COL24A1: variants seen among roughly 807,000 people sequenced by gnomAD.
The protein encoded by COL24A1 is collagen type XXIV alpha 1 chain, also known as collagen alpha-1(XXIV) chain.
A neutral mutation model predicts 253.9 loss-of-function variants in COL24A1; 224 were observed. The ratio of observed to expected loss-of-function variants is 0.88; its 90% CI spans 0.79 to 0.99. The LOEUF (loss-of-function observed/expected upper bound fraction) is 0.99, where lower values mean the gene tolerates loss of function less well. Ranked by LOEUF, COL24A1 falls within the 50% of genes least tolerant of loss-of-function variation. COL24A1 has a pLI of 0.00. For missense variants in COL24A1, 2,131 were observed against 2,068.5 expected (o/e 1.03, Z -0.59); for synonymous variants, 685 against 673.7 (o/e 1.02, Z -0.26).
At chr1:85,827,548 T>C (rs1329693109) in intron 43 of COL24A1, among the ~76,000 whole-genome samples, 1 of 152,004 alleles carries the variant, frequency 6.6e-6, no homozygotes, top group Non-Finnish European at 1.5e-5. Flanking sequence ...TGTGAATCCA[T>C]CTGGTCCTGG....
chr1:85,766,914 C>T (rs1214126388), intron 53 of COL24A1, among the ~76,000 whole-genome samples: 1 of 152,010 alleles, frequency 6.6e-6, no homozygotes, highest in Non-Finnish European at 1.5e-5. Flanking sequence ...ACCATCCTGG[C>T]TAACACAGTG....
intron 43 of COL24A1, 121 bp downstream of exon 43, chr1:85,838,464 T>C (rs1433830968): frequency 2.5e-6 from 2 of 808,306 alleles, no homozygotes; most frequent in African/African-American, 1.7e-5. Context: ...GAAAGACGTC[T>C]CTTCTAGGAT....
intron 7 of COL24A1, among the ~76,000 whole-genome samples, chr1:86,081,239 G>A (rs1452341224): frequency 2.0e-5 from 3 of 151,970 alleles, no homozygotes; most frequent in Non-Finnish European, 4.4e-5. Flanking sequence ...TCTAAGTATG[G>A]ATCAATTCCC....
chr1:85,784,202 C>T, intron 49 of COL24A1, 36 bp from the exon 50 acceptor site: 1 of 1,611,556 alleles, frequency 6.2e-7, no homozygotes, highest in South Asian at 1.1e-5. Context: ...AATTATTGTA[C>T]AATGGCAGCC....
intron 24 of COL24A1, among the ~76,000 whole-genome samples, chr1:85,937,198 G>A (rs138538910): frequency 6.8e-6 from 1 of 147,838 alleles, no homozygotes; most frequent in East Asian, 2.1e-4. Flanking sequence ...GATGGCAGCT[G>A]AGCTACAGCT....
intron 39 of COL24A1, among the ~76,000 whole-genome samples, chr1:85,842,666 C>G (rs1429890114): frequency 1.3e-5 from 2 of 151,934 alleles, no homozygotes; most frequent in Non-Finnish European, 2.9e-5. Flanking sequence ...TGTCAGAATC[C>G]TGCTGCTCCC....
chr1:85,739,760 T>A (rs972171320), intron 57 of COL24A1, among the ~76,000 whole-genome samples: 2 of 152,146 alleles, frequency 1.3e-5, no homozygotes, highest in African/African-American at 4.8e-5. Flanking sequence ...CCTTGAATTG[T>A]ATCCTCCCCA....
chr1:85,743,698 A>T (rs2014733), intron 57 of COL24A1, among the ~76,000 whole-genome samples: 137,777 of 152,170 alleles, frequency 0.91, 63,015 homozygotes, highest in Non-Finnish European at 0.97. Context: ...ATTACACTTT[A>T]ATGCCCTCAA....
At chr1:85,838,844 TAA>T (rs1306732370) in intron 42 of COL24A1, among the ~76,000 whole-genome samples, 2 of 152,320 alleles carry the variant, frequency 1.3e-5, no homozygotes, top group African/African-American at 4.8e-5. Context: ...GTGAATTATA[TAA>T]AGAGAATCTC....
chr1:85,976,944 C>T (rs917666217), intron 20 of COL24A1, among the ~76,000 whole-genome samples: 16 of 152,212 alleles, frequency 1.1e-4, no homozygotes, highest in African/African-American at 3.9e-4. Context: ...AACGTATCTA[C>T]AACCAAGGAC....
At chr1:86,141,919 G>T (rs1036390410) in intron 2 of COL24A1, among the ~76,000 whole-genome samples, 1 of 151,772 alleles carries the variant, frequency 6.6e-6, no homozygotes, top group African/African-American at 2.4e-5. Context: ...GGCCAGGCTC[G>T]AACTCCTGAC....
At chr1:85,897,602 T>C (rs988026870) in intron 28 of COL24A1, among the ~76,000 whole-genome samples, 2 of 152,164 alleles carry the variant, frequency 1.3e-5, no homozygotes, top group African/African-American at 4.8e-5. Flanking sequence ...TTCTCAGTGT[T>C]CATTCAATAA....
chr1:86,030,556 A>C (rs1448856595), intron 14 of COL24A1: 1 of 152,232 alleles, frequency 6.6e-6, no homozygotes, highest in Non-Finnish European at 1.5e-5. Flanking sequence ...ACACTCTAGT[A>C]TCTTTGGTCA....
intron 28 of COL24A1, among the ~76,000 whole-genome samples, chr1:85,903,895 G>T (rs1684557957): frequency 6.6e-6 from 1 of 151,984 alleles, no homozygotes; most frequent in Admixed American, 6.6e-5. Flanking sequence ...TGATTTTAAG[G>T]AAAAAAATAT....
intron 1 of COL24A1, among the ~76,000 whole-genome samples, chr1:86,150,087 A>G (rs1652539750): frequency 6.6e-6 from 1 of 152,096 alleles, no homozygotes; most frequent in South Asian, 2.1e-4. Context: ...GTTATTCTCC[A>G]TCCACTGGAA....
At chr1:86,074,452 T>A (rs1447938907) in intron 7 of COL24A1, among the ~76,000 whole-genome samples, 1 of 151,674 alleles carries the variant, frequency 6.6e-6, no homozygotes, top group Non-Finnish European at 1.5e-5. Context: ...CCCGGATTCA[T>A]AAAGCAAGTT....
chr1:86,043,185 T>C (rs1699634479), intron 12 of COL24A1, among the ~76,000 whole-genome samples: 1 of 152,190 alleles, frequency 6.6e-6, no homozygotes, highest in Non-Finnish European at 1.5e-5. Context: ...ACTATTGTTC[T>C]ATAAATTATA....
At chr1:85,894,629 C>T (rs1463314653) in intron 31 of COL24A1, among the ~76,000 whole-genome samples, 4 of 151,826 alleles carry the variant, frequency 2.6e-5, no homozygotes, top group African/African-American at 9.7e-5. Flanking sequence ...TAAAGTATAT[C>T]AAAGTAGTCA....
At position 86,078,985 on chromosome 1, in the gene COL24A1, C is replaced by T. The variant is rs536641713; in HGVS notation, c.1707+10189G>A. Among the ~76,000 whole-genome samples the T allele has an allele frequency of 3.9e-5, 6 of 152,184 alleles. No homozygotes were observed. The East Asian group carries it at 1.2e-3, about 29-fold the overall frequency. ...AAATTTATGTGGAACCACAAAAACC[C>T]AGAATAGCCAAAGCTATCCTAAGCA... On this transcript the variant is annotated intron_variant, in intron 7 of 59. Coordinates refer to ENST00000370571, the MANE Select transcript of COL24A1 (RefSeq NM_152890.7).
Sources: gnomAD v4.1 joint callset for allele counts (sites outside exome capture counted in the v4.1 genomes callset) on GRCh38, gnomAD v4.1.1 for gene constraint, MANE v1.5 for transcripts, NCBI Gene and HGNC (gene_info 2026-07-23, HGNC 2026-07-21) for gene names.